The following NIBAN1 variants were observed in gnomAD, a reference collection of about 807,000 sequenced individuals.
The protein encoded by NIBAN1 is protein Niban 1.
NIBAN1 carries 81 observed loss-of-function variants against 75.1 expected under a neutral mutation model. The observed-to-expected ratio is 1.08, with a 90% CI of 0.90 to 1.30. The LOEUF (loss-of-function observed/expected upper bound fraction) is 1.30, where lower values mean the gene tolerates loss of function less well. Among genes scored for constraint, NIBAN1 ranks in the 50% most tolerant of loss-of-function variants. The probability of loss-of-function intolerance (pLI) is 0.00; values close to 1 mark genes in which losing one functional copy is unlikely to be tolerated. For missense variants in NIBAN1, 1,133 were observed against 1,128.1 expected (o/e 1.00, Z -0.06); for synonymous variants, 436 against 424.8 (o/e 1.03, Z -0.32).
intron 1 of NIBAN1, among the ~76,000 whole-genome samples, chr1:184,954,294 C>T (rs1658430290): frequency 6.6e-6 from 1 of 152,184 alleles, no homozygotes; most frequent in African/African-American, 2.4e-5. Context: ...TGAAACTCAT[C>T]TGTTATTTCC....
At chr1:184,846,094 A>T (rs1238633310) in intron 5 of NIBAN1, among the ~76,000 whole-genome samples, 9 of 78,648 alleles carry the variant, frequency 1.1e-4, no homozygotes, top group African/African-American at 4.9e-4. Flanking sequence ...CAAAGCAGCC[A>T]GGAAGCTCGA....
At chr1:184,955,662 G>T (rs1194353428) in intron 1 of NIBAN1, among the ~76,000 whole-genome samples, 1 of 152,162 alleles carries the variant, frequency 6.6e-6, no homozygotes, top group Admixed American at 6.5e-5. Flanking sequence ...TAAAGAATAT[G>T]AAGCCTATAC....
chr1:184,810,108 A>G (rs1025055198), intron 9 of NIBAN1, among the ~76,000 whole-genome samples: 2 of 152,238 alleles, frequency 1.3e-5, no homozygotes, highest in African/African-American at 4.8e-5. Context: ...AAACATTTCT[A>G]AAATGATCCT....
chr1:184,851,802 G>GTTAAT (rs1448446813), intron 5 of NIBAN1, among the ~76,000 whole-genome samples: 1 of 151,244 alleles, frequency 6.6e-6, no homozygotes, highest in Non-Finnish European at 1.5e-5. Context: ...ATGTTACACT[G>GTTAAT]TTAATTATCC....
chr1:184,794,838 A>G lies in NIBAN1; in HGVS notation c.*139T>C, dbSNP rs776155351. 9.1e-7 allele frequency: 1 copy of G among 1,099,190 alleles called. No homozygotes were observed. Among genetic ancestry groups the G allele is most frequent in the Non-Finnish European group, 1.3e-6 (1 of 744,818 alleles). The allele number at this position is 1,099,190 out of a possible 1,614,324, so 68.1% of individuals were successfully genotyped here. ...TTTGCCTCAGTTGCTCATGCCCTGT[A>G]TGCATTTCCTCTGGTTTTATTATTC... On this transcript the variant is annotated 3_prime_UTR_variant, in exon 14 of 14. Coordinates refer to ENST00000367511, the MANE Select transcript of NIBAN1 (RefSeq NM_052966.4).
intron 5 of NIBAN1, among the ~76,000 whole-genome samples, chr1:184,874,857 A>C (rs1051243198): frequency 1.2e-4 from 17 of 147,248 alleles, no homozygotes; most frequent in Non-Finnish European, 2.4e-4. Flanking sequence ...AAGCTAATGG[A>C]CATATAAGGC....
chr1:184,858,078 C>T (rs937097873), intron 5 of NIBAN1, among the ~76,000 whole-genome samples: 3 of 151,924 alleles, frequency 2.0e-5, no homozygotes, highest in African/African-American at 4.8e-5. Flanking sequence ...AAATAGACAC[C>T]TTTGCATGGC....
rs1207535466 is a variant in NIBAN1, at chr1:184,795,942, C to T, written c.1822G>A (p.Val608Ile). 6.2e-7 allele frequency: 1 copy of T among 1,614,204 alleles called. No homozygotes were observed. Among genetic ancestry groups the T allele is most frequent in the Non-Finnish European group, 8.5e-7 (1 of 1,180,024 alleles). The stretch of plus-strand genomic sequence containing the variant: ...TTACTGAGGGTCTCACTACCCAGAA[C>T]TCCTGGCAGAATGGCAGAAGCTCTC... ...ARRASAILPG[V>I]LGSETLSNEV... is the part of the protein sequence containing the mutation. Residue 608 changes from valine (V) to isoleucine (I), a missense_variant, in exon 14 of 14, where the codon GTT becomes ATT. By Grantham distance (29) the Val-to-Ile change is conservative. Transcript: ENST00000367511.
intron 1 of NIBAN1, among the ~76,000 whole-genome samples, chr1:184,916,632 A>G (rs1228752274): frequency 6.6e-6 from 1 of 152,092 alleles, no homozygotes; most frequent in Non-Finnish European, 1.5e-5. Flanking sequence ...AATTTCCAGG[A>G]TAAGACTGAA....
intron 13 of NIBAN1, among the ~76,000 whole-genome samples, chr1:184,797,848 T>TA (rs965150801): frequency 6.6e-6 from 1 of 152,216 alleles, no homozygotes; most frequent in African/African-American, 2.4e-5. Flanking sequence ...ATTTGTGTAT[T>TA]AAAAAGGGAA....
At chr1:184,964,064 TAAA>T (rs76525602) in intron 1 of NIBAN1, among the ~76,000 whole-genome samples, 91 of 127,370 alleles carry the variant, frequency 7.1e-4, no homozygotes, top group African/African-American at 2.4e-3. Context: ...CTAAATAAGC[TAAA>T]AAAAAAAAAA....
At chr1:184,839,759 C>G (rs908557468) in intron 5 of NIBAN1, among the ~76,000 whole-genome samples, 1 of 152,058 alleles carries the variant, frequency 6.6e-6, no homozygotes, top group Non-Finnish European at 1.5e-5. Flanking sequence ...CCACGCCCAG[C>G]TAATTTTTGT....
intron 1 of NIBAN1, among the ~76,000 whole-genome samples, chr1:184,961,349 G>A (rs1305405646): frequency 6.6e-6 from 1 of 152,010 alleles, no homozygotes; most frequent in Non-Finnish European, 1.5e-5. Flanking sequence ...GATTACAGTA[G>A]TGAGCCACCG....
chr1:184,818,781 G>A lies in NIBAN1; in HGVS notation c.1030C>T (p.Gln344Ter). 3.1e-6 allele frequency: 5 copies of A among 1,609,624 alleles called. No individual in the cohort carries two copies. Among genetic ancestry groups the A allele is most frequent in the Non-Finnish European group, 4.2e-6 (5 of 1,176,872 alleles). The change falls in exon 9 of 14, where the codon CAG (glutamine) becomes TAG (stop). Residue 344 changes from glutamine to a stop codon, truncating the protein, a stop_gained. Transcript: ENST00000367511. LOFTEE classifies it high-confidence loss of function. The stretch of plus-strand genomic sequence containing the variant: ...TCCAGGATGGATGCCAGGAATGGCT[G>A]CACACTCTCCAAGCAGCTTTTCTCC... ...PAEKSCLESV[Q>*]PFLASILEEL...
chr1:184,828,225 C>T (rs995208823), intron 6 of NIBAN1, among the ~76,000 whole-genome samples: 1 of 152,122 alleles, frequency 6.6e-6, no homozygotes, highest in Non-Finnish European at 1.5e-5. Flanking sequence ...TTTGCCTGAG[C>T]ACTTGCCTAA....
intron 2 of NIBAN1, among the ~76,000 whole-genome samples, chr1:184,894,622 C>T (rs1035367525): frequency 1.3e-5 from 2 of 152,188 alleles, no homozygotes; most frequent in Admixed American, 6.5e-5. Context: ...CCCCGCAAAG[C>T]GGGAGAATTA....
At chr1:184,799,263 A>G (rs1195462806) in intron 12 of NIBAN1, among the ~76,000 whole-genome samples, 6 of 151,190 alleles carry the variant, frequency 4.0e-5, no homozygotes, top group South Asian at 2.1e-4. Context: ...TCATTGTTCA[A>G]TTCCCACCTA....
intron 1 of NIBAN1, among the ~76,000 whole-genome samples, chr1:184,944,306 G>T (rs912616477): frequency 3.3e-5 from 5 of 152,184 alleles, no homozygotes; most frequent in Non-Finnish European, 4.4e-5. Context: ...CCATGATTCA[G>T]TACTTGGGTC....
intron 5 of NIBAN1, 77 bp from the exon 6 acceptor site, chr1:184,832,039 C>T: frequency 9.9e-7 from 1 of 1,009,320 alleles, no homozygotes; most frequent in Non-Finnish European, 1.6e-6. Context: ...TGTAATGGCT[C>T]AGAGACCTAG....
Sources: allele counts gnomAD v4.1 joint callset (sites outside exome capture counted in the v4.1 genomes callset), GRCh38; gene constraint gnomAD v4.1.1; transcripts MANE v1.5; gene names NCBI Gene and HGNC (gene_info 2026-07-23, HGNC 2026-07-21).